Variants in VCP observed in about 807,000 individuals in gnomAD.
VCP encodes valosin containing protein, also known as transitional endoplasmic reticulum ATPase.
VCP carries 6 observed loss-of-function variants against 85.7 expected under a neutral mutation model. The observed-to-expected ratio is 0.07, with a 90% CI of 0.04 to 0.14. The LOEUF is 0.14. Among genes scored for constraint, VCP ranks in the 10% least tolerant of loss-of-function variants. The pLI is 1.00. For missense variants in VCP, 353 were observed against 1,043.4 expected (o/e 0.34, Z 9.12); for synonymous variants, 384 against 367.1 (o/e 1.05, Z -0.53).
chr9:35,062,213 C>T lies in VCP; in HGVS notation c.945+4G>A. The T allele has an allele frequency of 1.9e-6, 3 of 1,614,148 alleles. No individual in the cohort carries two copies. The highest frequency in any genetic ancestry group is 2.5e-6 in the Non-Finnish European group (3 of 1,180,028). ...CCCCTCTATCCCCTCAGGTAAGCTC[C>T]TACTTTCTCTCTTTTGGGAGCGATG... On this transcript the variant is annotated splice_donor_region_variant and intron_variant, in intron 8 of 16. Transcript: ENST00000358901.
chr9:35,060,003 A>G, intron 13 of VCP: 1 of 695,628 alleles, frequency 1.4e-6, no homozygotes, highest in South Asian at 1.9e-5. Flanking sequence ...GTGGTGACGC[A>G]TGCCTATAGT....
Position 35,059,459 on chromosome 9 carries a change from G to C in VCP, c.2004+34C>G. 7 of 1,612,124 alleles carry C rather than the reference G, an allele frequency of 4.3e-6. No individual in the cohort carries two copies. Among genetic ancestry groups the C allele is most frequent in the Non-Finnish European group, 5.9e-6 (7 of 1,179,476 alleles). On this transcript the variant is annotated intron_variant, in intron 14 of 16. Coordinates refer to ENST00000358901, the MANE Select transcript of VCP (RefSeq NM_007126.5). This position sits in a 1 kb window ranked among gnomAD's most constrained non-coding sequence, Gnocchi z 4.9. ...ACTCCGTACCAGCCTGAGGACTCAT[G>C]CAAGTCTCCCACAGCCCATGATCTT...
chr9:35,057,091 G>A lies in VCP; in HGVS notation c.*26C>T. 6.2e-7 allele frequency: 1 copy of A among 1,611,838 alleles called. No individual in the cohort carries two copies. The highest frequency in any genetic ancestry group is 8.5e-7 in the Non-Finnish European group (1 of 1,178,448). On this transcript the variant is annotated 3_prime_UTR_variant, in exon 17 of 17. Coordinates refer to ENST00000358901, the MANE Select transcript of VCP (RefSeq NM_007126.5). ...CAGGGAACAAGGTCCAGGCAGGCCAGCTCACTGCACGCTGGCCACCACCAC... is the reference window on the plus strand; with the variant it reads ...CAGGGAACAAGGTCCAGGCAGGCCAACTCACTGCACGCTGGCCACCACCAC...
intron 6 of VCP, among the ~76,000 whole-genome samples, chr9:35,063,533 T>C (rs1445125195): frequency 6.6e-6 from 1 of 152,214 alleles, no homozygotes; most frequent in Non-Finnish European, 1.5e-5. Context: ...TGCTGTTCCT[T>C]ACAATCATCA....
chr9:35,061,581 T>C lies in VCP; in HGVS notation c.1190A>G (p.Glu397Gly). 1 of 1,613,940 alleles carries C rather than the reference T, an allele frequency of 6.2e-7. No homozygotes were observed. Among genetic ancestry groups the C allele is most frequent in the Non-Finnish European group, 8.5e-7 (1 of 1,179,794 alleles). ...NMKLADDVDL[E>G]QVANETHGHV... ...CAGCCATCATCATCACTTCACCTGT[T>C]CCAGGTCCACATCATCTGCCAGCTT... is the stretch of plus-strand genomic sequence containing the variant. The change falls in exon 10 of 17, where the codon GAA becomes GGA. Residue 397 changes from glutamate (E) to glycine (G), a missense_variant. Glu to Gly is a moderately conservative substitution (Grantham distance 98). Transcript: ENST00000358901.
At position 35,061,044 on chromosome 9, in the gene VCP, A is replaced by T; in HGVS notation, c.1330T>A (p.Ser444Thr). 6.2e-7 allele frequency: 1 copy of T among 1,614,138 alleles called. No homozygotes were observed. Among genetic ancestry groups the T allele is most frequent in the East Asian group, 2.2e-5 (1 of 44,878 alleles). ...AAGTCATCCATAGTAACTGCTAGAG[A>T]GTTCATGACCTCGGCATCAATGGTC... Reference protein sequence around the residue: ...DETIDAEVMNSLAVTMDDFRW... With the variant: ...DETIDAEVMNTLAVTMDDFRW... The change falls in exon 11 of 17, where the codon TCT becomes ACT. Residue 444 changes from serine (S) to threonine (T), a missense_variant. This residue lies in a region of VCP where 22 missense variants were observed against 31.2 expected (regional missense o/e 0.70). Coordinates refer to ENST00000358901, the MANE Select transcript of VCP (RefSeq NM_007126.5).
In VCP at chr9:35,059,446, C is replaced by A. The variant is rs1161756583; in HGVS notation, c.2004+47G>T. 3 of 1,608,858 alleles carry A rather than the reference C, an allele frequency of 1.9e-6. No homozygotes were observed. Among genetic ancestry groups the A allele is most frequent in the Non-Finnish European group, 2.5e-6 (3 of 1,177,466 alleles). On this transcript the variant is annotated intron_variant, in intron 14 of 16. Transcript: ENST00000358901. This position sits in a 1 kb window ranked among gnomAD's most constrained non-coding sequence, Gnocchi z 4.9. ...GAAACTAAAGAGCACTCCGTACCAG[C>A]CTGAGGACTCATGCAAGTCTCCCAC...
Position 35,059,921 on chromosome 9 carries a change from C to T in VCP, c.1696-120G>A, listed in dbSNP as rs763534429. 4 of 1,317,120 alleles carry T rather than the reference C, an allele frequency of 3.0e-6. No individual in the cohort carries two copies. Among genetic ancestry groups the T allele is most frequent in the Non-Finnish European group, 4.3e-6 (4 of 933,760 alleles). 81.6% of individuals were successfully genotyped at this position (1,317,120 alleles called of 1,614,324 possible). A position where few individuals can be genotyped will look rare whatever the true frequency, so the allele number is the denominator to read the frequency against. On this transcript the variant is annotated intron_variant, in intron 13 of 16. Transcript: ENST00000358901. The surrounding 1 kb of genome is among the most constrained non-coding windows in gnomAD (Gnocchi z 4.9). ...GCCAAGGTGGGAGGATCACTTGAGG[C>T]CAGAAATCCGAAACCAGCATGGGCA...
In VCP at chr9:35,063,096, G is replaced by A. The variant is rs1483982555; in HGVS notation, c.709-16C>T. On this transcript the variant is annotated splice_polypyrimidine_tract_variant and intron_variant, in intron 6 of 16. Transcript: ENST00000358901. ...CTCTAGGAGGCTGTGGACCAATGCA[G>A]AGTGTGATTAGGTTCCCACCTTCTC... 2.5e-6 allele frequency: 4 copies of A among 1,613,238 alleles called. No homozygotes were observed. The highest frequency in any genetic ancestry group is 2.5e-6 in the Non-Finnish European group (3 of 1,179,402).
At chr9:35,067,096 T>C (rs1385773215) in intron 3 of VCP, among the ~76,000 whole-genome samples, 1 of 152,192 alleles carries the variant, frequency 6.6e-6, no homozygotes, top group Non-Finnish European at 1.5e-5. Context: ...CCCTTCTAGC[T>C]AATACTGGTG....
At chr9:35,061,216 G>T in intron 10 of VCP, 37 bp from the exon 11 acceptor site, 3 of 1,611,926 alleles carry the variant, frequency 1.9e-6, no homozygotes, top group South Asian at 2.2e-5. Context: ...CTGCCTCAAA[G>T]ACCCAGCTGC....
chr9:35,062,466 A>C, intron 7 of VCP, 116 bp from the exon 8 acceptor site: 3 of 1,486,220 alleles, frequency 2.0e-6, no homozygotes, highest in Admixed American at 1.8e-5. Context: ...GAAGGTGGTA[A>C]CCTCTGCCTA....
At chr9:35,062,459 G>T in intron 7 of VCP, 109 bp from the exon 8 acceptor site, 1 of 1,549,946 alleles carries the variant, frequency 6.5e-7, no homozygotes, top group East Asian at 2.3e-5. Flanking sequence ...TGGGTGAGAA[G>T]GTGGTAACCT....
intron 1 of VCP, chr9:35,071,717 C>G (rs929207595): frequency 1.0e-5 from 10 of 986,134 alleles, no homozygotes; most frequent in Non-Finnish European, 1.2e-5. Flanking sequence ...CTCTCCCTAA[C>G]AGTCCTTCAC....
rs1554668431 is a variant in VCP, at chr9:35,061,696, G to GACAGTACAGAA, written c.1082-8_1082-7insTTCTGTACTGT. ...ACCTCCCTGTCAAAGCGACCTGTGG[G>GACAGTACAGAA]ACAGTACACAAACATAAACAGGGCT... On this transcript the variant is annotated splice_polypyrimidine_tract_variant and splice_region_variant and intron_variant, in intron 9 of 16. Transcript: ENST00000358901. 8 of 1,589,812 alleles carry GACAGTACAGAA rather than the reference G, an allele frequency of 5.0e-6. No homozygotes were observed. In the South Asian group the frequency reaches 5.5e-5, roughly 11 times the overall value.
chr9:35,063,235 A>C (rs1053444017), intron 6 of VCP, among the ~76,000 whole-genome samples, 155 bp from the exon 7 acceptor site: 1 of 152,232 alleles, frequency 6.6e-6, no homozygotes, highest in Non-Finnish European at 1.5e-5. Flanking sequence ...CAATTACTTT[A>C]GGCCACACTC....
chr9:35,072,367 C>A lies in VCP; in HGVS notation c.-14G>T. Reference sequence around the variant, plus strand: ...TCCAGAAGCCATGGCGCGCGCCTCTCCCGGCCGGCGGCTGTGGCGGCCCGC... The same window carrying A: ...TCCAGAAGCCATGGCGCGCGCCTCTACCGGCCGGCGGCTGTGGCGGCCCGC... On this transcript the variant is annotated 5_prime_UTR_variant, in exon 1 of 17. Coordinates refer to ENST00000358901, the MANE Select transcript of VCP (RefSeq NM_007126.5). The A allele has an allele frequency of 1.4e-6, 2 of 1,477,996 alleles. No individual in the cohort carries two copies. The highest frequency in any genetic ancestry group is 1.8e-6 in the Non-Finnish European group (2 of 1,121,412). The allele number at this position is 1,477,996 out of a possible 1,614,324, so 91.6% of individuals were successfully genotyped here. A position where few individuals can be genotyped will look rare whatever the true frequency, so the allele number is the denominator to read the frequency against.
intron 1 of VCP, among the ~76,000 whole-genome samples, chr9:35,071,496 A>G (rs1277996691): frequency 6.6e-6 from 1 of 151,774 alleles, no homozygotes; most frequent in Non-Finnish European, 1.5e-5. Context: ...AGTTAGTGCA[A>G]CTCTAAACTG....
In VCP at chr9:35,065,317, A is replaced by G. The variant is rs1437631016; in HGVS notation, c.510T>C (p.Pro170=). Residue 170 remains proline (P), a synonymous_variant, in exon 5 of 17, where the codon CCT becomes CCC. Transcript: ENST00000358901. ...CTGGAGCAACAATGCAATAAGGGCT[A>G]GGATCTGTTTCCACCACTTTGAACT... The part of the protein sequence containing the change: ...AVEFKVVETD[P]SPYCIVAPDT... The G allele has an allele frequency of 6.2e-7, 1 of 1,614,244 alleles. No individual in the cohort carries two copies. Among genetic ancestry groups the G allele is most frequent in the East Asian group, 2.2e-5 (1 of 44,886 alleles).
Sources: gnomAD v4.1 joint callset for allele counts (sites outside exome capture counted in the v4.1 genomes callset) on GRCh38, gnomAD v4.1.1 for gene constraint, gnomAD v4.1.1 regional missense constraint, Gnocchi (gnomAD v3.1) non-coding constraint, MANE v1.5 for transcripts, NCBI Gene and HGNC (gene_info 2026-07-23, HGNC 2026-07-21) for gene names.